Variants in HEMK2 observed in about 807,000 individuals in gnomAD.
HEMK2 encodes HemK methyltransferase 2, ETF1 glutamine and histone H4 lysine.
chr21:28,733,114 C>T, the HEMK2 span, among the ~76,000 whole-genome samples: 1 of 152,038 alleles, frequency 6.6e-6, no homozygotes, highest in Admixed American at 6.6e-5. Flanking sequence ...CCCGTCTCTA[C>T]TAAAAATACA....
At chr21:28,592,818 A>T in the HEMK2 span, among the ~76,000 whole-genome samples, 3 of 152,096 alleles carry the variant, frequency 2.0e-5, no homozygotes, top group African/African-American at 7.2e-5. Context: ...CTTGGGTTTG[A>T]TTTTACTGCA....
At chr21:28,747,443 T>C in the HEMK2 span, among the ~76,000 whole-genome samples, 185 of 152,296 alleles carry the variant, frequency 1.2e-3, 1 homozygote, top group African/African-American at 3.7e-3. Flanking sequence ...TCCAAGCCAA[T>C]GGCTAATGAT....
chr21:28,742,109 T>G, the HEMK2 span, among the ~76,000 whole-genome samples: 1 of 151,970 alleles, frequency 6.6e-6, no homozygotes, highest in Non-Finnish European at 1.5e-5. Context: ...CCATGCCTGT[T>G]TGTATATGTA....
chr21:28,729,622 T>C, the HEMK2 span, among the ~76,000 whole-genome samples: 4 of 139,350 alleles, frequency 2.9e-5, no homozygotes, highest in Admixed American at 1.5e-4. Flanking sequence ...ACACTAACGA[T>C]TGCTGATAAG....
chr21:28,731,759 TAAAA>T, the HEMK2 span, among the ~76,000 whole-genome samples: 1,294 of 141,210 alleles, frequency 9.2e-3, 37 homozygotes, highest in Admixed American at 0.056. Flanking sequence ...AGTATAATAA[TAAAA>T]AAAAAAAAAA....
At chr21:28,881,767 C>T in the HEMK2 span, among the ~76,000 whole-genome samples, 2 of 151,748 alleles carry the variant, frequency 1.3e-5, no homozygotes, top group African/African-American at 4.8e-5. Flanking sequence ...AAGTAGCTGG[C>T]ACGACAGGTG....
At chr21:28,838,972 A>AAAAATAT in the HEMK2 span, among the ~76,000 whole-genome samples, 4 of 29,150 alleles carry the variant, frequency 1.4e-4, no homozygotes, top group Non-Finnish European at 2.2e-4. Context: ...AAAAAAAAAA[A>AAAAATAT]ATATATATAT....
At chr21:28,614,251 T>C in the HEMK2 span, among the ~76,000 whole-genome samples, 1 of 152,202 alleles carries the variant, frequency 6.6e-6, no homozygotes, top group Admixed American at 6.5e-5. Flanking sequence ...TTCTTTTCTG[T>C]GAACATATAT....
chr21:28,791,688 T>C, the HEMK2 span, among the ~76,000 whole-genome samples: 1 of 152,184 alleles, frequency 6.6e-6, no homozygotes, highest in African/African-American at 2.4e-5. Context: ...ACTGGATTTA[T>C]TTGTGCCTGG....
chr21:28,851,097 C>A, the HEMK2 span, among the ~76,000 whole-genome samples: 2 of 152,148 alleles, frequency 1.3e-5, no homozygotes, highest in African/African-American at 4.8e-5. Context: ...GACTTGATGA[C>A]CCATAATCTA....
the HEMK2 span, among the ~76,000 whole-genome samples, chr21:28,857,569 T>C: frequency 2.8e-3 from 427 of 152,318 alleles, 1 homozygote; most frequent in African/African-American, 9.7e-3. Flanking sequence ...TGCTGTATCA[T>C]TTAATACAGA....
the HEMK2 span, among the ~76,000 whole-genome samples, chr21:28,629,065 A>G: frequency 6.6e-6 from 1 of 152,206 alleles, no homozygotes; most frequent in East Asian, 1.9e-4. Context: ...TACATTTTTT[A>G]AGTACAGCCC....
chr21:28,577,466 TAA>T, the HEMK2 span: 1 of 152,220 alleles, frequency 6.6e-6, no homozygotes, highest in Non-Finnish European at 1.5e-5. Flanking sequence ...TATTTTGATA[TAA>T]GTTTTCTTTA....
chr21:28,876,869 A>C, the HEMK2 span, among the ~76,000 whole-genome samples: 1 of 152,046 alleles, frequency 6.6e-6, no homozygotes. Context: ...GGACAAACTG[A>C]ATAGTGACAT....
chr21:28,821,550 A>G, the HEMK2 span, among the ~76,000 whole-genome samples: 1 of 152,168 alleles, frequency 6.6e-6, no homozygotes, highest in Non-Finnish European at 1.5e-5. Flanking sequence ...CCACTTTTCC[A>G]CCGCACCCCT....
At chr21:28,747,507 A>C in the HEMK2 span, among the ~76,000 whole-genome samples, 1 of 152,240 alleles carries the variant, frequency 6.6e-6, no homozygotes, top group Non-Finnish European at 1.5e-5. Context: ...AAAACAAAAT[A>C]GTTCTATTCA....
chr21:28,829,276 G>A, the HEMK2 span, among the ~76,000 whole-genome samples: 58 of 152,290 alleles, frequency 3.8e-4, no homozygotes, highest in African/African-American at 1.3e-3. Context: ...TATCTGCTAA[G>A]GTTTGAATGT....
chr21:28,752,990 C>G, the HEMK2 span, among the ~76,000 whole-genome samples: 1 of 152,122 alleles, frequency 6.6e-6, no homozygotes, highest in Admixed American at 6.5e-5. Flanking sequence ...CTTCTTACCC[C>G]TGAAGAACCA....
chr21:28,619,224 G>A, the HEMK2 span, among the ~76,000 whole-genome samples: 45 of 152,268 alleles, frequency 3.0e-4, no homozygotes, highest in Non-Finnish European at 5.6e-4. Context: ...TTCAGAGCTT[G>A]GAGACGATAC....
Sources: allele counts gnomAD v4.1 joint callset (sites outside exome capture counted in the v4.1 genomes callset), GRCh38; gene constraint gnomAD v4.1.1; transcripts MANE v1.5; gene names NCBI Gene and HGNC (gene_info 2026-07-23, HGNC 2026-07-21).